The following CLYBL variants were observed in gnomAD, a reference collection of about 807,000 sequenced individuals.
The protein encoded by CLYBL is citramalyl-CoA lyase, also known as citramalyl-CoA lyase, mitochondrial.
A neutral mutation model predicts 38.9 loss-of-function variants in CLYBL; 31 were observed. That is an observed-to-expected ratio of 0.80 (90% CI 0.60 to 1.08). CLYBL has a LOEUF of 1.08. CLYBL is among the 50% of genes least tolerant of loss of function. The probability of loss-of-function intolerance (pLI) is 0.00; values close to 1 mark genes in which losing one functional copy is unlikely to be tolerated. For synonymous variants in CLYBL, 171 were observed against 158.6 expected, an observed-to-expected ratio of 1.08 and a Z score of -0.59; for missense variants, 434 against 411.6, an observed-to-expected ratio of 1.05 and a Z score of -0.47.
chr13:99,801,372 GT>G (rs1201356428), intron 2 of CLYBL, among the ~76,000 whole-genome samples: 4 of 151,984 alleles, frequency 2.6e-5, no homozygotes, highest in African/African-American at 9.7e-5. Flanking sequence ...GAAAAAATAG[GT>G]GTCCTCATGG....
chr13:99,803,683 A>G (rs1402914509), intron 2 of CLYBL, among the ~76,000 whole-genome samples: 1 of 152,228 alleles, frequency 6.6e-6, no homozygotes, highest in Non-Finnish European at 1.5e-5. Context: ...AAACACAACC[A>G]ATGTTGTTTC....
intron 2 of CLYBL, among the ~76,000 whole-genome samples, chr13:99,838,299 C>CA (rs1363772357): frequency 6.6e-6 from 1 of 152,000 alleles, no homozygotes; most frequent in Non-Finnish European, 1.5e-5. Flanking sequence ...TATTTTTATT[C>CA]AAAAAGAAGT....
intron 2 of CLYBL, among the ~76,000 whole-genome samples, chr13:99,821,493 T>G (rs2050587715): frequency 6.6e-6 from 1 of 152,198 alleles, no homozygotes; most frequent in South Asian, 2.1e-4. Context: ...TGATGGAAAA[T>G]TAGGCTTTTT....
At chr13:99,641,189 CAAT>C (rs1230555028) in intron 1 of CLYBL, among the ~76,000 whole-genome samples, 1 of 152,004 alleles carries the variant, frequency 6.6e-6, no homozygotes, top group African/African-American at 2.4e-5. Context: ...GATACAACCT[CAAT>C]GATATAAGTT....
Position 99,749,849 on chromosome 13 carries a change from A to C in CLYBL, c.63-22975A>C, listed in dbSNP as rs551577292. Among the ~76,000 whole-genome samples, 7 of 144,042 alleles carry C rather than the reference A, an allele frequency of 4.9e-5. No homozygotes were observed. In the East Asian group the frequency reaches 7.9e-4, roughly 16 times the overall value. 94.5% of individuals were successfully genotyped at this position (144,042 alleles called of 152,430 possible). ...TCCTTGCATGGTTGCCATAGTAACC[A>C]AAAAAAAATAGTTCTTCAAAATAGG... is the stretch of plus-strand genomic sequence containing the variant. On this transcript the variant is annotated intron_variant, in intron 1 of 8. Coordinates refer to ENST00000339105, the MANE Select transcript of CLYBL (RefSeq NM_206808.5).
At chr13:99,821,102 A>G (rs2050579913) in intron 2 of CLYBL, among the ~76,000 whole-genome samples, 1 of 152,206 alleles carries the variant, frequency 6.6e-6, no homozygotes, top group Non-Finnish European at 1.5e-5. Context: ...GGTGGAAGCA[A>G]TTAAGCTTTC....
chr13:99,876,923 A>G (rs1326013787), intron 7 of CLYBL, among the ~76,000 whole-genome samples: 3 of 152,118 alleles, frequency 2.0e-5, no homozygotes, highest in Non-Finnish European at 4.4e-5. Flanking sequence ...AGCAGAAACC[A>G]ATGAGGAAAG....
intron 1 of CLYBL, among the ~76,000 whole-genome samples, chr13:99,711,273 ACT>A: frequency 6.6e-6 from 1 of 152,172 alleles, no homozygotes; most frequent in South Asian, 2.1e-4. Flanking sequence ...ACTTCTGGAG[ACT>A]TGGAGGTCCA....
At chr13:99,634,797 G>A (rs1337330755) in intron 1 of CLYBL, among the ~76,000 whole-genome samples, 1 of 152,188 alleles carries the variant, frequency 6.6e-6, no homozygotes. Flanking sequence ...TAGACTGGGA[G>A]TCAGGATTGG....
chr13:99,762,084 GT>G (rs1294041359), intron 1 of CLYBL, among the ~76,000 whole-genome samples: 2 of 152,116 alleles, frequency 1.3e-5, no homozygotes, highest in African/African-American at 4.8e-5. Context: ...CAGATGGGTA[GT>G]TTCTAAATAT....
At position 99,682,222 on chromosome 13, in the gene CLYBL, C is replaced by T. The variant is rs867273789; in HGVS notation, c.62+75465C>T. ...GCAGTGGCGCAGTCTCGGCTCACTG[C>T]GTCCTCCACCTCCTGGGTTCAAGTG... On this transcript the variant is annotated intron_variant, in intron 1 of 8. Coordinates refer to ENST00000339105, the MANE Select transcript of CLYBL (RefSeq NM_206808.5). Among the ~76,000 whole-genome samples, 5 of 151,866 alleles carry T rather than the reference C, an allele frequency of 3.3e-5. No individual in the cohort carries two copies. In the South Asian group the frequency reaches 8.3e-4, roughly 25 times the overall value.
In CLYBL at chr13:99,608,061, C is replaced by CT. The variant is rs56149363; in HGVS notation, c.62+1329dup. Among the ~76,000 whole-genome samples the CT allele has an allele frequency of 2.3e-3, 171 of 74,982 alleles. 1 individual carries two copies. Among genetic ancestry groups the CT allele is most frequent in the East Asian group, 3.4e-3 (6 of 1,786 alleles). 49.2% of individuals were successfully genotyped at this position (74,982 alleles called of 152,430 possible). A position where few individuals can be genotyped will look rare whatever the true frequency, so the allele number is the denominator to read the frequency against. ...TGGCCGGCCTGGTGGTCTGGAACTT[C>CT]TTTTTTTTTTTTTTTTTTTTTTTTT... On this transcript the variant is annotated intron_variant, in intron 1 of 8. Coordinates refer to ENST00000339105, the MANE Select transcript of CLYBL (RefSeq NM_206808.5).
Position 99,891,735 on chromosome 13 carries a change from T to A in CLYBL, c.*24+298T>A, listed in dbSNP as rs150948394. ...GAAGGTAGGTCTTTAATGAAATGGA[T>A]CTTTCCCAAATAGACATATTCCCTC... is the stretch of plus-strand genomic sequence containing the variant. On this transcript the variant is annotated intron_variant, in intron 8 of 8. Coordinates refer to ENST00000339105, the MANE Select transcript of CLYBL (RefSeq NM_206808.5). The A allele has an allele frequency of 9.2e-3, 2,143 of 232,654 alleles. 19 individuals are homozygous for A. The highest frequency in any genetic ancestry group is 0.015 in the Non-Finnish European group (1,774 of 118,718). The allele number at this position is 232,654 out of a possible 1,614,324, so 14.4% of individuals were successfully genotyped here. A position where few individuals can be genotyped will look rare whatever the true frequency, so the allele number is the denominator to read the frequency against.
At chr13:99,654,346 C>G (rs2047297741) in intron 1 of CLYBL, among the ~76,000 whole-genome samples, 1 of 152,126 alleles carries the variant, frequency 6.6e-6, no homozygotes, top group African/African-American at 2.4e-5. Flanking sequence ...AGGCCAGGAG[C>G]TTGGATGTGC....
At chr13:99,903,465 T>C (rs577898956) in intron 8 of CLYBL, among the ~76,000 whole-genome samples, 5 of 152,204 alleles carry the variant, frequency 3.3e-5, no homozygotes, top group African/African-American at 4.8e-5. Context: ...CCTTAGCAAA[T>C]AGCAAAAAGT....
At chr13:99,831,965 C>T (rs2050813121) in intron 2 of CLYBL, among the ~76,000 whole-genome samples, 1 of 152,166 alleles carries the variant, frequency 6.6e-6, no homozygotes, top group South Asian at 2.1e-4. Context: ...ATTTCTTGGC[C>T]TCTTCTCAGA....
chr13:99,888,343 G>A (rs1006051708), intron 7 of CLYBL, among the ~76,000 whole-genome samples: 4 of 152,182 alleles, frequency 2.6e-5, no homozygotes, highest in Non-Finnish European at 4.4e-5. Flanking sequence ...TCAAAGTGTT[G>A]TTATGAGCAT....
In CLYBL at chr13:99,884,008, TCTTTTTGTGAAAAGGTCTC is replaced by T. The variant is rs534978451; in HGVS notation, c.928-7309_928-7291del. On this transcript the variant is annotated intron_variant, in intron 7 of 8. Transcript: ENST00000339105. ...CTTGAGCCCAAGCCAACATGAAAAT[TCTTTTTGTGAAAAGGTCTC>T]ACTCTGTCACCCAGGCTGGAGTGCA... Among the ~76,000 whole-genome samples, 74 of 152,312 alleles carry T rather than the reference TCTTTTTGTGAAAAGGTCTC, an allele frequency of 4.9e-4. 1 individual carries two copies. The South Asian group carries it at 0.015, about 31-fold the overall frequency.
intron 1 of CLYBL, among the ~76,000 whole-genome samples, chr13:99,734,922 C>T (rs1386449647): frequency 1.3e-5 from 2 of 152,014 alleles, no homozygotes; most frequent in Non-Finnish European, 2.9e-5. Flanking sequence ...ATAAAATCTA[C>T]CCAGTTTTAT....
Sources: gnomAD v4.1 joint callset for allele counts (sites outside exome capture counted in the v4.1 genomes callset) on GRCh38, gnomAD v4.1.1 for gene constraint, MANE v1.5 for transcripts, NCBI Gene and HGNC (gene_info 2026-07-23, HGNC 2026-07-21) for gene names.